Variants in RAPGEF2 observed in about 807,000 individuals in gnomAD.
RAPGEF2 encodes the protein Rap guanine nucleotide exchange factor 2, also known as PDZ domain containing guanine nucleotide exchange factor (GEF) 1.
Under a neutral mutation model 186.7 loss-of-function variants are expected in RAPGEF2, and 54 were observed. That is an observed-to-expected ratio of 0.29 (90% confidence interval 0.23 to 0.36). The LOEUF (loss-of-function observed/expected upper bound fraction) is 0.36. Ranked by LOEUF, RAPGEF2 falls within the 10% of genes least tolerant of loss-of-function variation. The pLI is 1.00. For synonymous variants in RAPGEF2, 712 were observed against 705.9 expected, an observed-to-expected ratio of 1.01 and a Z score of -0.14; for missense variants, 1,532 against 2,045.0, an observed-to-expected ratio of 0.75 and a Z score of 4.84.
At chr4:159,244,691 C>T (rs1754407229) in intron 7 of RAPGEF2, among the ~76,000 whole-genome samples, 1 of 151,874 alleles carries the variant, frequency 6.6e-6, no homozygotes, top group Non-Finnish European at 1.5e-5. Flanking sequence ...GGAAATCTAT[C>T]ATTGATATAT....
chr4:159,169,058 C>T (rs1745626756), intron 1 of RAPGEF2, among the ~76,000 whole-genome samples: 2 of 152,148 alleles, frequency 1.3e-5, no homozygotes, highest in African/African-American at 2.4e-5. Context: ...TTGTACCAAC[C>T]TTTGTATCCC....
intron 1 of RAPGEF2, among the ~76,000 whole-genome samples, chr4:159,116,493 C>T (rs189612567): frequency 4.1e-4 from 63 of 152,212 alleles, no homozygotes; most frequent in Admixed American, 2.7e-3. Flanking sequence ...TTGTGGAAGA[C>T]GGTGTGGTGA....
chr4:159,198,256 CTTTCTCTTTCTTTCCT>C (rs1561074250), intron 3 of RAPGEF2, among the ~76,000 whole-genome samples: 6 of 97,262 alleles, frequency 6.2e-5, no homozygotes, highest in African/African-American at 2.8e-4. Flanking sequence ...TCCTTTCTTT[CTTTCTCTTTCTTTCCT>C]TCTTTCTTTC....
chr4:159,257,013 C>G (rs191765615), intron 7 of RAPGEF2, among the ~76,000 whole-genome samples: 131 of 152,120 alleles, frequency 8.6e-4, no homozygotes, highest in Non-Finnish European at 2.9e-5. Flanking sequence ...TGATGATAGT[C>G]TCTTTTGCTG....
intron 1 of RAPGEF2, among the ~76,000 whole-genome samples, chr4:159,144,879 G>GTTTTTTTTTTTTTTTTTTTTTT (rs137978885): frequency 2.2e-5 from 2 of 92,338 alleles, no homozygotes; most frequent in African/African-American, 8.5e-5. Context: ...CTTTCTTCCT[G>GTTTTTTTTTTTTTTTTTTTTTT]TTTTTTTTTT....
intron 24 of RAPGEF2, 139 bp from the exon 25 acceptor site, chr4:159,346,650 A>G (rs1327396449): frequency 1.4e-6 from 1 of 721,822 alleles, no homozygotes; most frequent in African/African-American, 1.8e-5. Flanking sequence ...TGTGCTTCAT[A>G]AAGGCAACAG....
At position 159,234,549 on chromosome 4, in the gene RAPGEF2, A is replaced by AT. The variant is rs10588096; in HGVS notation, c.282-4236dup. Among the ~76,000 whole-genome samples the AT allele has an allele frequency of 8.3e-3, 902 of 108,112 alleles. 4 individuals carry two copies. The highest frequency in any genetic ancestry group is 0.019 in the East Asian group (80 of 4,198). 70.9% of individuals were successfully genotyped at this position (108,112 alleles called of 152,430 possible). A position where few individuals can be genotyped will look rare whatever the true frequency, so the allele number is the denominator to read the frequency against. On this transcript the variant is annotated intron_variant, in intron 4 of 29. Transcript: ENST00000691494. ...AGGCACATGCCACCATGCCCGGCTA[A>AT]TTTTTTTTTTTTTTTTTTTTTTTTG...
chr4:159,321,593 A>G (rs918622098), intron 9 of RAPGEF2, among the ~76,000 whole-genome samples: 17 of 152,192 alleles, frequency 1.1e-4, no homozygotes, highest in Non-Finnish European at 2.4e-4. Context: ...TCACAGAGCC[A>G]TGGTGAGGAG....
At chr4:159,354,307 AT>A (rs1328565913) in intron 28 of RAPGEF2, among the ~76,000 whole-genome samples, 3 of 152,188 alleles carry the variant, frequency 2.0e-5, no homozygotes, top group Admixed American at 1.3e-4. Flanking sequence ...GTAGATTGTC[AT>A]TGTGAATATT....
intron 1 of RAPGEF2, among the ~76,000 whole-genome samples, chr4:159,126,405 T>A (rs1331736401): frequency 6.6e-6 from 1 of 152,110 alleles, no homozygotes; most frequent in Non-Finnish European, 1.5e-5. Flanking sequence ...TTTTTAAAAA[T>A]AAGAAAGTCT....
At chr4:159,288,803 C>T (rs1293691017) in intron 7 of RAPGEF2, among the ~76,000 whole-genome samples, 2 of 152,294 alleles carry the variant, frequency 1.3e-5, no homozygotes, top group Middle Eastern at 3.4e-3. Flanking sequence ...AATTGTTTCT[C>T]GACCATTCCT....
chr4:159,251,548 A>ATCTC (rs1755395473), intron 7 of RAPGEF2, among the ~76,000 whole-genome samples: 1 of 152,118 alleles, frequency 6.6e-6, no homozygotes, highest in East Asian at 1.9e-4. Flanking sequence ...GTCTAGCGAG[A>ATCTC]GGATTGTAAA....
rs778302629 is a variant in RAPGEF2, at chr4:159,335,835, CAAAAAAA to C, written c.2136-2458_2136-2452del. 2.3e-4 allele frequency among the ~76,000 whole-genome samples: 11 copies of C among 48,166 alleles called. No individual in the cohort carries two copies. The East Asian group carries it at 4.6e-3, about 20-fold the overall frequency. 31.6% of individuals were successfully genotyped at this position (48,166 alleles called of 152,430 possible). A position where few individuals can be genotyped will look rare whatever the true frequency, so the allele number is the denominator to read the frequency against. On this transcript the variant is annotated intron_variant, in intron 17 of 29. Transcript: ENST00000691494. The stretch of plus-strand genomic sequence containing the variant: ...TGGGTGACAGAGGGAGACTCCGTCT[CAAAAAAA>C]AAAAAAAAAAAAAAAAAGGTTGAGT...
rs1000208986 is a variant in RAPGEF2, at chr4:159,255,216, A to G, written c.543+11425A>G. On this transcript the variant is annotated intron_variant, in intron 7 of 29. Coordinates refer to ENST00000691494, the MANE Select transcript of RAPGEF2 (RefSeq NM_001394067.2). ...GTTTGTACAAAGACAAAGTTGCCCA[A>G]TGACGCCGTTCTCGGAATGTATTCC... Among the ~76,000 whole-genome samples, 32 of 152,158 alleles carry G rather than the reference A, an allele frequency of 2.1e-4. 1 individual carries two copies.
At chr4:159,180,577 A>T (rs1487766288) in intron 1 of RAPGEF2, among the ~76,000 whole-genome samples, 1 of 152,196 alleles carries the variant, frequency 6.6e-6, no homozygotes, top group Non-Finnish European at 1.5e-5. Context: ...GGGATGATGT[A>T]CTGTAAGAGC....
intron 3 of RAPGEF2, among the ~76,000 whole-genome samples, chr4:159,198,282 CTTTCT>C (rs1748941920): frequency 9.2e-5 from 1 of 10,814 alleles, no homozygotes; most frequent in Non-Finnish European, 1.7e-4. Context: ...TTCTTTCTTT[CTTTCT>C]TTCTTTCTTT....
At chr4:159,231,569 G>A (rs1332044478) in intron 4 of RAPGEF2, among the ~76,000 whole-genome samples, 1 of 151,806 alleles carries the variant, frequency 6.6e-6, no homozygotes, top group Non-Finnish European at 1.5e-5. Context: ...TAATGTTAGG[G>A]GAAAGAAAAA....
intron 9 of RAPGEF2, among the ~76,000 whole-genome samples, chr4:159,316,501 T>C (rs1038924191): frequency 6.6e-6 from 1 of 152,156 alleles, no homozygotes; most frequent in African/African-American, 2.4e-5. Flanking sequence ...CCAGTGTGTG[T>C]TGTTCCCCTC....
chr4:159,103,541 G>T lies in RAPGEF2; in HGVS notation c.-622G>T, dbSNP rs1363949413. ...CAGGAGCGGCGGCCGAGGCGATCGG[G>T]CTTCGCAGCGCCCGGACCTGAGCCA... On this transcript the variant is annotated 5_prime_UTR_variant, in exon 1 of 30. Coordinates refer to ENST00000691494, the MANE Select transcript of RAPGEF2 (RefSeq NM_001394067.2). The T allele has an allele frequency of 1.3e-5, 2 of 153,580 alleles. No homozygotes were observed. Among genetic ancestry groups the T allele is most frequent in the African/African-American group, 4.8e-5 (2 of 41,560 alleles). 9.5% of individuals were successfully genotyped at this position (153,580 alleles called of 1,614,324 possible). A position where few individuals can be genotyped will look rare whatever the true frequency, so the allele number is the denominator to read the frequency against.
Sources: allele counts gnomAD v4.1 joint callset (sites outside exome capture counted in the v4.1 genomes callset), GRCh38; gene constraint gnomAD v4.1.1; transcripts MANE v1.5; gene names NCBI Gene and HGNC (gene_info 2026-07-23, HGNC 2026-07-21).